The following CHM variants were observed in gnomAD, a reference collection of about 807,000 sequenced individuals.
The protein encoded by CHM is rab proteins geranylgeranyltransferase component A 1.
In CHM, 10 loss-of-function variants were observed where a neutral mutation model predicts 49.0. The ratio of observed to expected loss-of-function variants is 0.20; its 90% CI spans 0.13 to 0.35. The LOEUF (loss-of-function observed/expected upper bound fraction) is 0.35. CHM is among the 10% of genes least tolerant of loss of function. CHM has a pLI of 1.00. For missense variants in CHM, 455 were observed against 478.4 expected (o/e 0.95, Z 0.46); for synonymous variants, 184 against 167.5 (o/e 1.10, Z -0.76).
chrX:85,913,340 G>GAAAGAAAGAAAGAAAGAAAGAAAA (rs1927216048), intron 8 of CHM, among the ~76,000 whole-genome samples: 1 of 50,492 alleles, frequency 2.0e-5, no homozygotes, highest in African/African-American at 6.6e-5. Flanking sequence ...AAAAAAGAAA[G>GAAAGAAAGAAAGAAAGAAAGAAAA]AAAGAAAGAA....
intron 14 of CHM, among the ~76,000 whole-genome samples, chrX:85,867,218 C>A (rs1923757337): frequency 9.0e-6 from 1 of 111,588 alleles, no homozygotes; most frequent in Non-Finnish European, 1.9e-5. Context: ...ATGCTGTCCT[C>A]GTGATAGTGA....
intron 2 of CHM, among the ~76,000 whole-genome samples, chrX:85,986,232 G>T (rs5967662): frequency 9.1e-5 from 10 of 110,459 alleles, no homozygotes; most frequent in Non-Finnish European, 1.5e-4. Flanking sequence ...ATCTCTCTGG[G>T]GTGGAGCCCC....
At chrX:85,914,305 C>G (rs184554210) in intron 8 of CHM, among the ~76,000 whole-genome samples, 1 of 110,741 alleles carries the variant, frequency 9.0e-6, no homozygotes, top group African/African-American at 3.3e-5. Flanking sequence ...CTGGAGATTG[C>G]AAGTCTATCT....
intron 2 of CHM, among the ~76,000 whole-genome samples, chrX:85,993,173 C>T (rs1932283862): frequency 9.0e-6 from 1 of 111,261 alleles, no homozygotes; most frequent in Non-Finnish European, 1.9e-5. Flanking sequence ...GCTTATTGGA[C>T]ACCTCCTTTC....
At chrX:86,037,220 G>A (rs1249683925) in intron 1 of CHM, among the ~76,000 whole-genome samples, 6 of 103,746 alleles carry the variant, frequency 5.8e-5, no homozygotes, top group African/African-American at 1.8e-4. Flanking sequence ...GGGTTCAAGC[G>A]ATTCTCCTGC....
intron 4 of CHM, chrX:85,971,080 G>C (rs1316060850): frequency 3.4e-6 from 2 of 596,714 alleles, no homozygotes; most frequent in Non-Finnish European, 4.0e-6. Flanking sequence ...ATTTATATTA[G>C]AATACATAAT....
intron 2 of CHM, among the ~76,000 whole-genome samples, chrX:86,003,419 T>C (rs778050015): frequency 7.1e-5 from 8 of 111,997 alleles, no homozygotes; most frequent in African/African-American, 2.3e-4. Context: ...TTTTGACGAG[T>C]TGACAGAAGT....
intron 1 of CHM, among the ~76,000 whole-genome samples, chrX:86,030,941 T>C (rs999566289): frequency 9.0e-6 from 1 of 110,537 alleles, no homozygotes; most frequent in Non-Finnish European, 1.9e-5. Context: ...CTTTTTTTTT[T>C]AATAACCACG....
At chrX:85,949,050 C>G (rs1180123315) in intron 8 of CHM, among the ~76,000 whole-genome samples, 1 of 110,812 alleles carries the variant, frequency 9.0e-6, no homozygotes. Flanking sequence ...GCCACCGCAC[C>G]CGGCAGGATG....
At chrX:85,868,053 GTT>G (rs1923819529) in intron 14 of CHM, among the ~76,000 whole-genome samples, 2 of 110,078 alleles carry the variant, frequency 1.8e-5, no homozygotes, top group South Asian at 7.8e-4. Context: ...GTGTGTGTGT[GTT>G]TGTAGTAAGA....
At chrX:85,874,507 T>G (rs1270286425) in intron 13 of CHM, among the ~76,000 whole-genome samples, 1 of 111,832 alleles carries the variant, frequency 8.9e-6, no homozygotes, top group Non-Finnish European at 1.9e-5. Context: ...ATAGCAGTAT[T>G]CAATTAACAA....
intron 14 of CHM, among the ~76,000 whole-genome samples, chrX:85,866,036 G>GA (rs780940894): frequency 8.0e-5 from 9 of 112,596 alleles, no homozygotes; most frequent in Non-Finnish European, 1.7e-4. Context: ...TGGGAGAAAA[G>GA]AAAAAACCAT....
chrX:86,026,102 C>CTTTTTTTTTTTTTTTT lies in CHM; in HGVS notation c.116+1373_116+1388dup, dbSNP rs1167691945. ...CTGGGCTTTCAAGGTAGCAGATTTT[C>CTTTTTTTTTTTTTTTT]TTTTTTTTTTTTTTTTTTTTTTTTT... On this transcript the variant is annotated intron_variant, in intron 2 of 14. Coordinates refer to ENST00000357749, the MANE Select transcript of CHM (RefSeq NM_000390.4). Among the ~76,000 whole-genome samples, 8 of 26,758 alleles carry CTTTTTTTTTTTTTTTT rather than the reference C, an allele frequency of 3.0e-4. 3 individuals are homozygous for CTTTTTTTTTTTTTTTT. The highest frequency in any genetic ancestry group is 4.5e-4 in the Non-Finnish European group (6 of 13,232). 23.2% of individuals were successfully genotyped at this position (26,758 alleles called of 115,157 possible).
rs148812263 is a variant in CHM at position 85,916,246 on chromosome X, C to T, written c.1167-4908G>A. On this transcript the variant is annotated intron_variant, in intron 8 of 14. Coordinates refer to ENST00000357749, the MANE Select transcript of CHM (RefSeq NM_000390.4). ...GGTGCTAGGATAACTGGCTTAGCCACATGCAGAAGATCAAAACTGGACCCC... is the reference window on the plus strand; with the variant it reads ...GGTGCTAGGATAACTGGCTTAGCCATATGCAGAAGATCAAAACTGGACCCC... 7.3e-3 allele frequency among the ~76,000 whole-genome samples: 819 copies of T among 111,783 alleles called. 7 individuals are homozygous for T. Among genetic ancestry groups the T allele is most frequent in the African/African-American group, 0.025 (780 of 30,752 alleles).
intron 1 of CHM, among the ~76,000 whole-genome samples, chrX:86,037,110 CTTTTTTTT>C (rs1048558599): frequency 1.1e-4 from 8 of 70,778 alleles, no homozygotes; most frequent in Non-Finnish European, 2.1e-4. Context: ...CTAATTTTTC[CTTTTTTTT>C]TTTTTTTTTT....
chrX:85,937,254 G>C (rs1396858025), intron 8 of CHM, among the ~76,000 whole-genome samples: 2 of 91,883 alleles, frequency 2.2e-5, no homozygotes, highest in Non-Finnish European at 4.2e-5. Flanking sequence ...GACAGAGTGA[G>C]ACTCCGTCAA....
intron 8 of CHM, among the ~76,000 whole-genome samples, chrX:85,927,936 C>T (rs1475684632): frequency 8.9e-6 from 1 of 112,389 alleles, no homozygotes; most frequent in Non-Finnish European, 1.9e-5. Flanking sequence ...TTTGACAGCA[C>T]TATTCAAGAT....
intron 14 of CHM, among the ~76,000 whole-genome samples, chrX:85,866,839 T>C (rs1036866555): frequency 7.9e-5 from 9 of 113,293 alleles, no homozygotes; most frequent in Non-Finnish European, 1.7e-4. Flanking sequence ...GGCCCCTTTG[T>C]TTTGTCCAAT....
At chrX:86,022,567 G>C (rs949001172) in intron 2 of CHM, among the ~76,000 whole-genome samples, 2 of 110,969 alleles carry the variant, frequency 1.8e-5, no homozygotes, top group Non-Finnish European at 3.8e-5. Flanking sequence ...TGCCTTAAAA[G>C]TTGCTCTTGC....
Sources: gnomAD v4.1 joint callset for allele counts (sites outside exome capture counted in the v4.1 genomes callset) on GRCh38, gnomAD v4.1.1 for gene constraint, MANE v1.5 for transcripts, NCBI Gene and HGNC (gene_info 2026-07-23, HGNC 2026-07-21) for gene names.